RAD51B: variants seen among roughly 807,000 people sequenced by gnomAD.
RAD51B encodes the protein DNA repair protein RAD51 homolog 2.
RAD51B carries 38 observed loss-of-function variants against 42.2 expected under a neutral mutation model. That is an observed-to-expected ratio of 0.90 (90% CI 0.70 to 1.18). The LOEUF is 1.18. RAD51B is among the 50% of genes most tolerant of loss of function. The probability of loss-of-function intolerance (pLI) is 0.00; values close to 1 mark genes in which losing one functional copy is unlikely to be tolerated. For missense variants in RAD51B, 373 were observed against 400.7 expected (o/e 0.93, Z 0.59); for synonymous variants, 154 against 145.2 (o/e 1.06, Z -0.43).
chr14:68,426,007 C>T (rs7142970), intron 9 of RAD51B, among the ~76,000 whole-genome samples: 4,351 of 116,198 alleles, frequency 0.037, 148 homozygotes, highest in African/African-American at 0.087. Flanking sequence ...TTCCTTCCTT[C>T]CTTTCTTTCT....
chr14:67,976,304 G>T (rs2074992986), intron 7 of RAD51B, among the ~76,000 whole-genome samples: 1 of 151,910 alleles, frequency 6.6e-6, no homozygotes, highest in African/African-American at 2.4e-5. Context: ...TTTTCGTAGT[G>T]ATGGGGTCTC....
At chr14:68,432,788 G>A (rs949314957) in intron 9 of RAD51B, among the ~76,000 whole-genome samples, 1 of 152,132 alleles carries the variant, frequency 6.6e-6, no homozygotes, top group African/African-American at 2.4e-5. Context: ...ATTTGATCCT[G>A]TCATTATGTT....
At chr14:68,174,163 G>A (rs548393522) in intron 7 of RAD51B, among the ~76,000 whole-genome samples, 4 of 152,088 alleles carry the variant, frequency 2.6e-5, no homozygotes, top group South Asian at 4.1e-4. Context: ...AGACTCTAGT[G>A]GAGGTGCTAG....
intron 9 of RAD51B, among the ~76,000 whole-genome samples, chr14:68,461,174 G>A (rs550026256): frequency 1.3e-5 from 2 of 151,996 alleles, no homozygotes; most frequent in South Asian, 2.1e-4. Context: ...TGGAGAAATC[G>A]GCTGAAGCTT....
intron 7 of RAD51B, among the ~76,000 whole-genome samples, chr14:68,049,182 GA>G (rs2076351871): frequency 6.7e-6 from 1 of 149,642 alleles, no homozygotes; most frequent in Non-Finnish European, 1.5e-5. Flanking sequence ...CCAGGAAGGG[GA>G]ACATCACACA....
chr14:68,216,101 G>A (rs1668692840), intron 7 of RAD51B, among the ~76,000 whole-genome samples: 1 of 152,156 alleles, frequency 6.6e-6, no homozygotes, highest in Non-Finnish European at 1.5e-5. Context: ...ATTAATTGTA[G>A]CAGAAAAACA....
At position 67,837,639 on chromosome 14, in the gene RAD51B, T is replaced by G. The variant is rs571292127; in HGVS notation, c.315+2443T>G. On this transcript the variant is annotated intron_variant, in intron 4 of 10. Transcript: ENST00000471583. ...TATATCAAATTATCCTCAAACAGAG[T>G]TTTTTTTGCTTTTATTACAATTTTT... is the stretch of plus-strand genomic sequence containing the variant. Among the ~76,000 whole-genome samples, 24 of 149,478 alleles carry G rather than the reference T, an allele frequency of 1.6e-4. No individual in the cohort carries two copies. In the South Asian group the frequency reaches 4.8e-3, roughly 30 times the overall value.
chr14:68,001,551 T>C (rs1487678791), intron 7 of RAD51B, among the ~76,000 whole-genome samples: 1 of 152,208 alleles, frequency 6.6e-6, no homozygotes, highest in Non-Finnish European at 1.5e-5. Context: ...GATTTTCAAC[T>C]TTTAAGCTCA....
chr14:68,650,793 T>C (rs1172901906), exon 11 of RAD51B: 1 of 760,392 alleles, frequency 1.3e-6, no homozygotes, highest in Non-Finnish European at 2.4e-6. Context: ...TTTTGGCACA[T>C]TTGCATATCT....
chr14:68,079,423 A>G (rs1369445280), intron 7 of RAD51B, among the ~76,000 whole-genome samples: 1 of 152,212 alleles, frequency 6.6e-6, no homozygotes, highest in East Asian at 1.9e-4. Context: ...ATCAATCCCC[A>G]GAGATCTTAA....
intron 7 of RAD51B, among the ~76,000 whole-genome samples, chr14:67,933,518 GT>G (rs1180124272): frequency 3.3e-5 from 5 of 152,140 alleles, no homozygotes; most frequent in African/African-American, 7.2e-5. Flanking sequence ...TAGTATCAGG[GT>G]TTGTGTGGGT....
At chr14:68,377,687 G>C (rs2083398909) in intron 8 of RAD51B, among the ~76,000 whole-genome samples, 2 of 152,222 alleles carry the variant, frequency 1.3e-5, no homozygotes, top group Admixed American at 6.5e-5. Flanking sequence ...CACAAACAGA[G>C]GAGGGCTTGT....
At chr14:68,570,245 G>A (rs1334296516) in intron 10 of RAD51B, among the ~76,000 whole-genome samples, 1 of 152,176 alleles carries the variant, frequency 6.6e-6, no homozygotes, top group Non-Finnish European at 1.5e-5. Flanking sequence ...ACTACCCAGA[G>A]GGCTGTCCTG....
At chr14:68,316,369 T>C (rs1210925457) in intron 8 of RAD51B, among the ~76,000 whole-genome samples, 1 of 152,234 alleles carries the variant, frequency 6.6e-6, no homozygotes, top group African/African-American at 2.4e-5. Context: ...GTTTTTCAAA[T>C]CATGGGGAGC....
intron 5 of RAD51B, among the ~76,000 whole-genome samples, chr14:67,882,699 A>G (rs1305001620): frequency 6.6e-6 from 1 of 152,164 alleles, no homozygotes; most frequent in Non-Finnish European, 1.5e-5. Context: ...TGCTTCAATA[A>G]AGTTGTGATT....
At chr14:68,010,736 T>A (rs1156278402) in intron 7 of RAD51B, among the ~76,000 whole-genome samples, 1 of 151,858 alleles carries the variant, frequency 6.6e-6, no homozygotes, top group Non-Finnish European at 1.5e-5. Context: ...CATATTGGAA[T>A]AATTTGGAGA....
intron 8 of RAD51B, chr14:68,338,989 G>C (rs752495380): frequency 2.0e-5 from 13 of 657,658 alleles, no homozygotes; most frequent in Non-Finnish European, 3.7e-5. Context: ...ATGCAGTAAG[G>C]GACCCCCTTT....
chr14:67,903,594 C>T (rs1313300573), intron 7 of RAD51B, among the ~76,000 whole-genome samples: 1 of 152,136 alleles, frequency 6.6e-6, no homozygotes, highest in Non-Finnish European at 1.5e-5. Flanking sequence ...TCCATTTTCA[C>T]CTTGTTAATA....
chr14:67,904,963 C>G (rs1309479167), intron 7 of RAD51B, among the ~76,000 whole-genome samples: 1 of 146,794 alleles, frequency 6.8e-6, no homozygotes, highest in Non-Finnish European at 1.5e-5. Context: ...GCTTTTGGAG[C>G]CTTTGTCATG....
Sources: gnomAD v4.1 joint callset for allele counts (sites outside exome capture counted in the v4.1 genomes callset) on GRCh38, gnomAD v4.1.1 for gene constraint, MANE v1.5 for transcripts, NCBI Gene and HGNC (gene_info 2026-07-23, HGNC 2026-07-21) for gene names.